The following DHRS3 variants were observed in gnomAD, a reference collection of about 807,000 sequenced individuals.
DHRS3 encodes the protein dehydrogenase/reductase 3, also known as short-chain dehydrogenase/reductase 3.
DHRS3 carries 14 observed loss-of-function variants against 27.2 expected under a neutral mutation model. The observed-to-expected ratio is 0.52, with a 90% confidence interval of 0.34 to 0.81. DHRS3 has a LOEUF of 0.81. Among genes scored for constraint, DHRS3 ranks in the 30% least tolerant of loss-of-function variants. The probability of loss-of-function intolerance (pLI) is 0.01; values close to 1 mark genes in which losing one functional copy is unlikely to be tolerated. For missense variants in DHRS3, 322 were observed against 406.2 expected (o/e 0.79, Z 1.78); for synonymous variants, 165 against 175.9 (o/e 0.94, Z 0.49).
intron 1 of DHRS3, among the ~76,000 whole-genome samples, chr1:12,590,163 A>T (rs895862110): frequency 2.6e-5 from 4 of 152,098 alleles, no homozygotes; most frequent in Non-Finnish European, 5.9e-5. Context: ...GAGGTTTTCA[A>T]GCAGAGCCCC....
chr1:12,568,411 C>T lies in DHRS3; in HGVS notation c.838G>A (p.Ala280Thr), dbSNP rs141860694. The T allele has an allele frequency of 3.9e-5, 63 of 1,613,520 alleles. No homozygotes were observed. The Middle Eastern group carries it at 6.6e-4, about 17-fold the overall frequency. Residue 280 changes from alanine (A) to threonine (T), a missense_variant, in exon 6 of 6, where the codon GCT becomes ACT. By Grantham distance (58) the Ala-to-Thr change is moderately conservative. Coordinates refer to ENST00000616661, the MANE Select transcript of DHRS3 (RefSeq NM_004753.7). Reference protein sequence around the residue: ...LVILKSILPQAALEEIHKFSG... With the variant: ...LVILKSILPQTALEEIHKFSG... ...AATTTGTGGATCTCCTCGAGTGCAG[C>T]CTGTGGAAGTATGCTGGAGTAGGAG...
At chr1:12,602,662 T>G (rs1365154055) in intron 1 of DHRS3, among the ~76,000 whole-genome samples, 1 of 152,198 alleles carries the variant, frequency 6.6e-6, no homozygotes, top group Admixed American at 6.5e-5. Context: ...TTGGAAACGC[T>G]CTTGCCATTA....
rs538597230 is a variant in DHRS3, at chr1:12,578,384, A to C, written c.698+334T>G. On this transcript the variant is annotated intron_variant, in intron 4 of 5. Transcript: ENST00000616661. This position sits in a 1 kb window ranked among gnomAD's most constrained non-coding sequence, Gnocchi z 4.5. ...GAGTGCAGTCGCACAATCACAGCTCACTTGCAGCCTCAACTTCCTGGGCTC... is the reference window on the plus strand; with the variant it reads ...GAGTGCAGTCGCACAATCACAGCTCCCTTGCAGCCTCAACTTCCTGGGCTC... Among the ~76,000 whole-genome samples the C allele has an allele frequency of 4.6e-5, 7 of 152,196 alleles. No individual in the cohort carries two copies. The highest frequency in any genetic ancestry group is 1.7e-4 in the African/African-American group (7 of 41,442).
chr1:12,607,145 C>G (rs76617914), intron 1 of DHRS3, among the ~76,000 whole-genome samples: 1,575 of 152,294 alleles, frequency 0.01, 27 homozygotes, highest in African/African-American at 0.035. Flanking sequence ...TCCACTAAGA[C>G]AAGGTTCGCA....
Position 12,577,824 on chromosome 1 carries a change from A to G in DHRS3, c.698+894T>C, listed in dbSNP as rs189890824. 2.2e-3 allele frequency among the ~76,000 whole-genome samples: 337 copies of G among 152,342 alleles called. 2 individuals carry two copies. The highest frequency in any genetic ancestry group is 7.8e-3 in the African/African-American group (326 of 41,578). ...GGCAACGGAGCGAAACTCCATCTCA[A>G]TAAATAACTAAATAAACAAACAAAT... On this transcript the variant is annotated intron_variant, in intron 4 of 5. Coordinates refer to ENST00000616661, the MANE Select transcript of DHRS3 (RefSeq NM_004753.7).
chr1:12,593,871 G>T lies in DHRS3; in HGVS notation c.196-13205C>A, dbSNP rs951756404. On this transcript the variant is annotated intron_variant, in intron 1 of 5. Coordinates refer to ENST00000616661, the MANE Select transcript of DHRS3 (RefSeq NM_004753.7). The surrounding 1 kb of genome is among the most constrained non-coding windows in gnomAD (Gnocchi z 4.6). The stretch of plus-strand genomic sequence containing the variant: ...GCAGAACACTGCTCACTCCCAGCCA[G>T]AAACCCACGGGCTGATGTTTCTTTT... 2.6e-5 allele frequency among the ~76,000 whole-genome samples: 4 copies of T among 152,206 alleles called. No homozygotes were observed. In the South Asian group the frequency reaches 6.2e-4, roughly 24 times the overall value.
chr1:12,579,360 C>G lies in DHRS3; in HGVS notation c.392G>C (p.Ser131Thr), dbSNP rs1646623858. The G allele has an allele frequency of 6.8e-6, 11 of 1,614,236 alleles. No homozygotes were observed. In the East Asian group the frequency reaches 2.5e-4, roughly 36 times the overall value. The change falls in exon 3 of 6, where the codon AGC (serine) becomes ACC (threonine). Residue 131 changes from serine (S) to threonine (T), a missense_variant. Coordinates refer to ENST00000616661, the MANE Select transcript of DHRS3 (RefSeq NM_004753.7). ...VNNAAVVHGK[S>T]LMDSDDDALL... ...GGCATCATCATCACTGTCCATTAGG[C>G]TCTTCCCATGGACCACGGCGGCATT... is the stretch of plus-strand genomic sequence containing the variant.
At chr1:12,580,066 A>C in intron 2 of DHRS3, 1 of 267,282 alleles carries the variant, frequency 3.7e-6, no homozygotes, top group Non-Finnish European at 7.3e-6. Context: ...GAGGAGGAGA[A>C]ATAATTTATG....
At chr1:12,581,812 G>A (rs1029570255) in intron 1 of DHRS3, among the ~76,000 whole-genome samples, 12 of 152,150 alleles carry the variant, frequency 7.9e-5, no homozygotes, top group Admixed American at 5.9e-4. Flanking sequence ...AAAGGCAGGG[G>A]GCTGAACACC....
intron 4 of DHRS3, 127 bp from the exon 5 acceptor site, chr1:12,572,980 T>C (rs1430146105): frequency 2.1e-5 from 26 of 1,216,028 alleles, no homozygotes; most frequent in Non-Finnish European, 2.8e-5. Context: ...GAGGCCTGCT[T>C]GGAATACTCC....
At chr1:12,570,438 C>G (rs1243926907) in intron 5 of DHRS3, among the ~76,000 whole-genome samples, 1 of 152,138 alleles carries the variant, frequency 6.6e-6, no homozygotes, top group African/African-American at 2.4e-5. Flanking sequence ...ACTCTAAGTA[C>G]AAGATGAAAA....
rs577307670 is a variant in DHRS3, at chr1:12,615,404, G to A, written c.195+1750C>T. Among the ~76,000 whole-genome samples, 92 of 152,292 alleles carry A rather than the reference G, an allele frequency of 6.0e-4. 1 individual carries two copies. The highest frequency in any genetic ancestry group is 2.2e-3 in the African/African-American group (91 of 41,572). ...CTGGCTGGATTCCCTGGAAGAGGAC[G>A]TCCAGTCCAAGTTAGGTGGGGTTTG... On this transcript the variant is annotated intron_variant, in intron 1 of 5. Transcript: ENST00000616661.
At chr1:12,569,372 C>A (rs550815315) in intron 5 of DHRS3, among the ~76,000 whole-genome samples, 1 of 151,520 alleles carries the variant, frequency 6.6e-6, no homozygotes, top group East Asian at 1.9e-4. Flanking sequence ...AAACAGAGCT[C>A]ATTTTTTTAT....
chr1:12,569,231 T>TCTCACACA (rs1557509331), intron 5 of DHRS3, among the ~76,000 whole-genome samples: 51 of 110,580 alleles, frequency 4.6e-4, no homozygotes, highest in Admixed American at 1.1e-3. Flanking sequence ...TCTCTCTCTC[T>TCTCACACA]CACACACACA....
At chr1:12,611,735 C>T (rs1036683974) in intron 1 of DHRS3, among the ~76,000 whole-genome samples, 2 of 151,988 alleles carry the variant, frequency 1.3e-5, no homozygotes, top group Admixed American at 1.3e-4. Flanking sequence ...TGTAACCCCT[C>T]TCATTTTATA....
chr1:12,568,504 G>A, intron 5 of DHRS3, 80 bp from the exon 6 acceptor site: 3 of 1,376,502 alleles, frequency 2.2e-6, no homozygotes, highest in Non-Finnish European at 3.1e-6. Flanking sequence ...GGCCATGTGA[G>A]ACGGGGCAGC....
At chr1:12,580,323 A>G in intron 2 of DHRS3, 200 bp downstream of exon 2, 1 of 657,644 alleles carries the variant, frequency 1.5e-6, no homozygotes, top group Non-Finnish European at 2.7e-6. Context: ...ACAACAGATG[A>G]TTACGCCTGT....
At chr1:12,579,208 A>G in intron 3 of DHRS3, 85 bp downstream of exon 3, 6 of 1,606,094 alleles carry the variant, frequency 3.7e-6, no homozygotes, top group Non-Finnish European at 5.1e-6. Flanking sequence ...CCTGAGCCCA[A>G]GCCCTGGCAA....
intron 3 of DHRS3, 125 bp from the exon 4 acceptor site, chr1:12,579,081 G>T: frequency 8.1e-7 from 1 of 1,240,924 alleles, no homozygotes; most frequent in Non-Finnish European, 1.1e-6. Context: ...TTCCTGCGAG[G>T]GAGAGGGCCG....
Sources: allele counts gnomAD v4.1 joint callset (sites outside exome capture counted in the v4.1 genomes callset), GRCh38; gene constraint gnomAD v4.1.1; non-coding constraint Gnocchi (gnomAD v3.1); transcripts MANE v1.5; gene names NCBI Gene and HGNC (gene_info 2026-07-23, HGNC 2026-07-21).